ASTN2: variants seen among roughly 807,000 people sequenced by gnomAD.
ASTN2 encodes astrotactin-2.
Under a neutral mutation model 139.8 loss-of-function variants are expected in ASTN2, and 54 were observed. The ratio of observed to expected loss-of-function variants is 0.39; its 90% CI spans 0.31 to 0.48. The LOEUF is 0.48. ASTN2 is among the 20% of genes least tolerant of loss of function. The probability of loss-of-function intolerance (pLI) is 0.95; values close to 1 mark genes in which losing one functional copy is unlikely to be tolerated. For missense variants in ASTN2, 1,565 were observed against 1,725.1 expected, an observed-to-expected ratio of 0.91 and a Z score of 1.64; for synonymous variants, 756 against 719.5, an observed-to-expected ratio of 1.05 and a Z score of -0.81.
At chr9:117,056,227 T>C (rs1839060100) in intron 5 of ASTN2, among the ~76,000 whole-genome samples, 1 of 152,228 alleles carries the variant, frequency 6.6e-6, no homozygotes, top group South Asian at 2.1e-4. Flanking sequence ...AGATAATGAA[T>C]GTTTGTTGTT....
At chr9:116,755,411 G>T (rs1410506284) in intron 13 of ASTN2, among the ~76,000 whole-genome samples, 1 of 152,116 alleles carries the variant, frequency 6.6e-6, no homozygotes, top group African/African-American at 2.4e-5. Flanking sequence ...AATCTGACTG[G>T]TGTCCTTTTA....
intron 2 of ASTN2, among the ~76,000 whole-genome samples, chr9:117,215,920 A>G (rs73533183): frequency 0.018 from 2,692 of 152,132 alleles, 74 homozygotes; most frequent in African/African-American, 0.062. Context: ...AAATCAAGAG[A>G]CCCAGAAACT....
chr9:116,973,155 T>G (rs1836255931), intron 10 of ASTN2, among the ~76,000 whole-genome samples: 1 of 152,186 alleles, frequency 6.6e-6, no homozygotes, highest in South Asian at 2.1e-4. Context: ...GCTTCATCTC[T>G]TACTAGTGAA....
At chr9:116,462,788 ATGTGTGTG>A (rs55926547) in intron 20 of ASTN2, among the ~76,000 whole-genome samples, 51,736 of 145,904 alleles carry the variant, frequency 0.35, 9,197 homozygotes, top group Non-Finnish European at 0.41. Flanking sequence ...TTGGGTGAGC[ATGTGTGTG>A]TGTGTGTGTG....
chr9:116,591,542 C>G (rs1410257669), intron 19 of ASTN2, among the ~76,000 whole-genome samples: 1 of 152,178 alleles, frequency 6.6e-6, no homozygotes, highest in African/African-American at 2.4e-5. Flanking sequence ...ATGGCAGCTA[C>G]TCCTAAGAAC....
intron 20 of ASTN2, among the ~76,000 whole-genome samples, chr9:116,471,231 G>T (rs1224742280): frequency 6.6e-6 from 1 of 152,086 alleles, no homozygotes; most frequent in Non-Finnish European, 1.5e-5. Context: ...AGATTTCTGG[G>T]GACAGGCCTG....
At chr9:117,234,064 G>T (rs186351174) in intron 2 of ASTN2, among the ~76,000 whole-genome samples, 35 of 152,264 alleles carry the variant, frequency 2.3e-4, no homozygotes, top group Non-Finnish European at 4.7e-4. Context: ...GCAACAGGAG[G>T]GTGACTTTGG....
intron 19 of ASTN2, among the ~76,000 whole-genome samples, chr9:116,532,798 TG>T (rs1353553702): frequency 6.6e-6 from 1 of 152,248 alleles, no homozygotes; most frequent in Admixed American, 6.5e-5. Context: ...GGTAGTGTGA[TG>T]CCTCCAGCTT....
In ASTN2 at chr9:116,794,964, G is replaced by A. The variant is rs535687535; in HGVS notation, c.2396+10668C>T. Among the ~76,000 whole-genome samples the A allele has an allele frequency of 5.9e-5, 9 of 152,152 alleles. No individual in the cohort carries two copies. In the East Asian group the frequency reaches 1.5e-3, roughly 26 times the overall value. ...TCTATGCTTATCGTTAAATGTTTTT[G>A]TTTTTGTTTTTTTGTTTGCTTGGTT... On this transcript the variant is annotated intron_variant, in intron 13 of 22. Transcript: ENST00000313400.
At chr9:116,766,371 A>G (rs545577082) in intron 13 of ASTN2, among the ~76,000 whole-genome samples, 6 of 152,170 alleles carry the variant, frequency 3.9e-5, no homozygotes, top group Admixed American at 2.0e-4. Context: ...ATACAGGCAT[A>G]CATTCACATA....
chr9:117,053,825 G>T (rs189937185), intron 5 of ASTN2, among the ~76,000 whole-genome samples: 52 of 152,288 alleles, frequency 3.4e-4, no homozygotes, highest in African/African-American at 1.2e-3. Flanking sequence ...ACCACCTGGA[G>T]ATTTTATTAG....
intron 1 of ASTN2, among the ~76,000 whole-genome samples, chr9:117,346,026 A>AAAAAAAAAAAAT (rs1829204878): frequency 6.7e-6 from 1 of 148,936 alleles, no homozygotes; most frequent in Non-Finnish European, 1.5e-5. Flanking sequence ...AAAAAAAAAA[A>AAAAAAAAAAAAT]GGAAAAGGAA....
chr9:116,710,441 A>C (rs1313985275), intron 16 of ASTN2, among the ~76,000 whole-genome samples: 1 of 151,728 alleles, frequency 6.6e-6, no homozygotes, highest in Non-Finnish European at 1.5e-5. Flanking sequence ...GATAAATGAC[A>C]ATTTCAGACC....
intron 10 of ASTN2, among the ~76,000 whole-genome samples, chr9:116,935,477 T>C (rs1468173894): frequency 6.6e-6 from 1 of 152,190 alleles, no homozygotes; most frequent in Non-Finnish European, 1.5e-5. Context: ...GTGAGCTTTT[T>C]AAGACATTTC....
At chr9:116,468,935 C>T (rs1170649682) in intron 20 of ASTN2, among the ~76,000 whole-genome samples, 1 of 152,148 alleles carries the variant, frequency 6.6e-6, no homozygotes, top group Non-Finnish European at 1.5e-5. Flanking sequence ...ATCATGTTTC[C>T]TTTTCTTGGT....
intron 3 of ASTN2, among the ~76,000 whole-genome samples, chr9:117,213,266 T>C (rs1231419461): frequency 1.3e-5 from 2 of 152,120 alleles, no homozygotes; most frequent in African/African-American, 4.8e-5. Context: ...TGCTCGAGGC[T>C]GCTAGTAGGA....
chr9:116,652,811 G>A (rs1417694723), intron 16 of ASTN2, among the ~76,000 whole-genome samples: 4 of 152,022 alleles, frequency 2.6e-5, no homozygotes, highest in African/African-American at 9.7e-5. Flanking sequence ...TTCTTCATGT[G>A]CACACTGAGA....
intron 19 of ASTN2, among the ~76,000 whole-genome samples, chr9:116,596,962 T>G (rs1466956526): frequency 6.6e-6 from 1 of 152,164 alleles, no homozygotes; most frequent in Non-Finnish European, 1.5e-5. Context: ...TAGGCTAGTG[T>G]TGTTACTGCT....
intron 10 of ASTN2, among the ~76,000 whole-genome samples, chr9:116,884,812 CCA>C (rs1491074214): frequency 1.6e-5 from 2 of 122,524 alleles, no homozygotes; most frequent in African/African-American, 6.2e-5. Flanking sequence ...CGCCCCCCCC[CCA>C]CCCACTTTTT....
Sources: allele counts gnomAD v4.1 joint callset (sites outside exome capture counted in the v4.1 genomes callset), GRCh38; gene constraint gnomAD v4.1.1; transcripts MANE v1.5; gene names NCBI Gene and HGNC (gene_info 2026-07-23, HGNC 2026-07-21).